SHQ1: variants seen among roughly 807,000 people sequenced by gnomAD.
SHQ1 encodes the protein SHQ1, H/ACA ribonucleoprotein assembly factor.
SHQ1 carries 49 observed loss-of-function variants against 53.8 expected under a neutral mutation model. That is an observed-to-expected ratio of 0.91 (90% CI 0.72 to 1.16). SHQ1 has a LOEUF of 1.16. Among genes scored for constraint, SHQ1 ranks in the 50% most tolerant of loss-of-function variants. The probability of loss-of-function intolerance (pLI) is 0.00; values close to 1 mark genes in which losing one functional copy is unlikely to be tolerated. For missense variants in SHQ1, 738 were observed against 683.1 expected, an observed-to-expected ratio of 1.08 and a Z score of -0.90; for synonymous variants, 243 against 251.0, an observed-to-expected ratio of 0.97 and a Z score of 0.30.
In SHQ1 at chr3:72,750,495, C is replaced by G; in HGVS notation, c.1523G>C (p.Gly508Ala). The G allele has an allele frequency of 6.2e-7, 1 of 1,614,174 alleles. No homozygotes were observed. The highest frequency in any genetic ancestry group is 8.5e-7 in the Non-Finnish European group (1 of 1,180,044). ...CTGGATGGCTGTGTTTCTGCGTACTCCACCATCAACAATAAGAAAGGCACT... is the reference window on the plus strand; with the variant it reads ...CTGGATGGCTGTGTTTCTGCGTACTGCACCATCAACAATAAGAAAGGCACT... ...ESSAFLIVDGGVRRNTAIQES... is the reference protein window; with the variant it reads ...ESSAFLIVDGAVRRNTAIQES... Residue 508 changes from glycine to alanine, a missense_variant, in exon 11 of 11, where the codon GGA becomes GCA. Transcript: ENST00000325599.
intron 10 of SHQ1, among the ~76,000 whole-genome samples, chr3:72,768,231 C>T (rs1282329694): frequency 6.6e-6 from 1 of 152,216 alleles, no homozygotes; most frequent in Non-Finnish European, 1.5e-5. Flanking sequence ...GCTGACCCTG[C>T]TGCAGGCAGA....
chr3:72,728,972 G>A, the SHQ1 span, among the ~76,000 whole-genome samples: 16 of 152,344 alleles, frequency 1.1e-4, no homozygotes, highest in East Asian at 2.9e-3. Flanking sequence ...AAATGTTAAT[G>A]TGCAAGGAAG....
intron 6 of SHQ1, among the ~76,000 whole-genome samples, chr3:72,818,891 C>T (rs1707393888): frequency 6.6e-6 from 1 of 152,142 alleles, no homozygotes; most frequent in South Asian, 2.1e-4. Flanking sequence ...AAAGTAGGGG[C>T]CTCAGTTCTA....
At chr3:72,799,082 A>C (rs1263176066) in intron 9 of SHQ1, among the ~76,000 whole-genome samples, 2 of 151,972 alleles carry the variant, frequency 1.3e-5, no homozygotes. Flanking sequence ...ACACTATAGG[A>C]GGCGCCAATA....
intron 10 of SHQ1, among the ~76,000 whole-genome samples, chr3:72,777,932 A>T (rs1705990803): frequency 6.6e-6 from 1 of 152,256 alleles, no homozygotes; most frequent in Admixed American, 6.5e-5. Context: ...TAAAATCAAA[A>T]GAAACAAGTA....
intron 4 of SHQ1, among the ~76,000 whole-genome samples, chr3:72,833,444 TGATAGATAGATAGATA>T (rs56202141): frequency 0.032 from 4,485 of 140,538 alleles, 119 homozygotes; most frequent in African/African-American, 0.064. Flanking sequence ...CTATCAGAGA[TGATAGATAGATAGATA>T]GATAGATAGA....
rs559081349 is a variant in SHQ1 at position 72,756,476 on chromosome 3, C to T, written c.1182-5640G>A. Reference sequence around the variant, plus strand: ...ATTTTTAGTAGAGATGGGGTTTTGCCATGTTGGCCAGGCTGGTCTCAAACT... The same window carrying T: ...ATTTTTAGTAGAGATGGGGTTTTGCTATGTTGGCCAGGCTGGTCTCAAACT... On this transcript the variant is annotated intron_variant, in intron 10 of 10. Transcript: ENST00000325599. 8.6e-5 allele frequency among the ~76,000 whole-genome samples: 13 copies of T among 151,780 alleles called. No individual in the cohort carries two copies. The East Asian group carries it at 2.3e-3, about 27-fold the overall frequency.
chr3:72,737,810 G>A, the SHQ1 span, among the ~76,000 whole-genome samples: 1 of 152,186 alleles, frequency 6.6e-6, no homozygotes, highest in Non-Finnish European at 1.5e-5. Flanking sequence ...ATCCAGGAAC[G>A]TGGAACCCAT....
At chr3:72,824,263 AGTCAGGGG>A (rs1285526466) in intron 6 of SHQ1, among the ~76,000 whole-genome samples, 153 bp downstream of exon 6, 212 of 152,370 alleles carry the variant, frequency 1.4e-3, no homozygotes, top group African/African-American at 4.7e-3. Flanking sequence ...GGCATTTTCC[AGTCAGGGG>A]CAAAGAAGTC....
chr3:72,786,291 T>A (rs577474748), intron 10 of SHQ1, among the ~76,000 whole-genome samples: 3 of 152,306 alleles, frequency 2.0e-5, no homozygotes, highest in Non-Finnish European at 4.4e-5. Flanking sequence ...ACCTGATGGA[T>A]CTTCCCAGAA....
chr3:72,842,110 T>C (rs1708193183), intron 3 of SHQ1, among the ~76,000 whole-genome samples, 170 bp downstream of exon 3: 3 of 152,228 alleles, frequency 2.0e-5, no homozygotes. Context: ...ATTTTTAATG[T>C]CTTAATTATA....
At chr3:72,796,097 A>G (rs1412929159) in intron 9 of SHQ1, among the ~76,000 whole-genome samples, 1 of 132,374 alleles carries the variant, frequency 7.6e-6, no homozygotes, top group African/African-American at 3.1e-5. Context: ...GTGAGACTCC[A>G]TCTCAAAAAA....
Position 72,750,403 on chromosome 3 carries a change from T to A in SHQ1, c.1615A>T (p.Ile539Leu), listed in dbSNP as rs1474551943. Residue 539 changes from isoleucine to leucine, a missense_variant, in exon 11 of 11, where the codon ATA (isoleucine) becomes TTA (leucine). Ile to Leu is a conservative substitution (Grantham distance 5, BLOSUM62 2). Coordinates refer to ENST00000325599, the MANE Select transcript of SHQ1 (RefSeq NM_018130.3). ...TTCAGTTGTTCCCCAAGCTCCTCTA[T>A]CAGAGGCCCAGACACTCCAAGAGGC... ...SWPLGVSGPLIEELGEQLKTT... is the reference protein window; with the variant it reads ...SWPLGVSGPLLEELGEQLKTT... The A allele has an allele frequency of 6.2e-7, 1 of 1,614,140 alleles. No homozygotes were observed. The highest frequency in any genetic ancestry group is 8.5e-7 in the Non-Finnish European group (1 of 1,180,028).
At chr3:72,733,614 G>A in the SHQ1 span, among the ~76,000 whole-genome samples, 1 of 151,374 alleles carries the variant, frequency 6.6e-6, no homozygotes, top group East Asian at 1.9e-4. Flanking sequence ...GAGAATCCTT[G>A]AAAGAAAGGA....
intron 10 of SHQ1, among the ~76,000 whole-genome samples, chr3:72,784,165 T>TA (rs74266966): frequency 0.011 from 1,667 of 145,656 alleles, 29 homozygotes; most frequent in African/African-American, 0.04. Context: ...AATTACAAAT[T>TA]AAAAAAAAAA....
chr3:72,821,669 TAAAC>T (rs1449489599), intron 6 of SHQ1, among the ~76,000 whole-genome samples: 1 of 152,140 alleles, frequency 6.6e-6, no homozygotes, highest in Non-Finnish European at 1.5e-5. Context: ...GAGGAGGTGT[TAAAC>T]AGACAACAGC....
chr3:72,835,970 T>A (rs1008947971), intron 4 of SHQ1, among the ~76,000 whole-genome samples: 3 of 152,214 alleles, frequency 2.0e-5, no homozygotes, highest in African/African-American at 7.2e-5. Context: ...GTCCATCTCC[T>A]CACTAGAATG....
In SHQ1 at chr3:72,751,476, ATG is replaced by A. The variant is rs372032784; in HGVS notation, c.1182-642_1182-641del. ...GGTAATATATCTATAATAAGCACATATGTGTGTGTGTGTGTGTGTGTGTGTGT... is the reference window on the plus strand; with the variant it reads ...GGTAATATATCTATAATAAGCACATATGTGTGTGTGTGTGTGTGTGTGTGT... On this transcript the variant is annotated intron_variant, in intron 10 of 10. Coordinates refer to ENST00000325599, the MANE Select transcript of SHQ1 (RefSeq NM_018130.3). Among the ~76,000 whole-genome samples the A allele has an allele frequency of 3.1e-3, 340 of 109,592 alleles. 6 individuals are homozygous for A. The highest frequency in any genetic ancestry group is 0.01 in the African/African-American group (222 of 21,924). The allele number at this position is 109,592 out of a possible 152,430, so 71.9% of individuals were successfully genotyped here.
rs1380390321 is a variant in SHQ1 at position 72,750,364 on chromosome 3, C to G, written c.1654G>C (p.Val552Leu). The G allele has an allele frequency of 6.2e-7, 1 of 1,614,090 alleles. No homozygotes were observed. Among genetic ancestry groups the G allele is most frequent in the Admixed American group, 1.7e-5 (1 of 60,002 alleles). Residue 552 changes from valine to leucine, a missense_variant, in exon 11 of 11, where the codon GTT (valine) becomes CTT (leucine). Coordinates refer to ENST00000325599, the MANE Select transcript of SHQ1 (RefSeq NM_018130.3). ...LGEQLKTTVQVSEPKGTTAVN... is the reference protein window; with the variant it reads ...LGEQLKTTVQLSEPKGTTAVN... ...GCAGTGGTGCCCTTGGGTTCAGAAA[C>G]CTGAACTGTAGTCTTCAGTTGTTCC...
Sources: allele counts gnomAD v4.1 joint callset (sites outside exome capture counted in the v4.1 genomes callset), GRCh38; gene constraint gnomAD v4.1.1; transcripts MANE v1.5; gene names NCBI Gene and HGNC (gene_info 2026-07-23, HGNC 2026-07-21).